The following PARVB variants were observed in gnomAD, a reference collection of about 807,000 sequenced individuals.
PARVB encodes the protein parvin beta.
A neutral mutation model predicts 47.0 loss-of-function variants in PARVB; 46 were observed. The ratio of observed to expected loss-of-function variants is 0.98; its 90% CI spans 0.77 to 1.25. The LOEUF (loss-of-function observed/expected upper bound fraction) is 1.25. Ranked by LOEUF, PARVB falls within the 50% of genes most tolerant of loss-of-function variation. The pLI, the probability that PARVB is intolerant of heterozygous loss-of-function variation, is 0.00. For synonymous variants in PARVB, 196 were observed against 196.3 expected, an observed-to-expected ratio of 1.00 and a Z score of 0.01; for missense variants, 473 against 471.6, an observed-to-expected ratio of 1.00 and a Z score of -0.03.
rs2054251001 is a variant in PARVB, at chr22:44,170,032, T to G, written c.*1354T>G. 1 of 143,254 alleles carries G rather than the reference T, an allele frequency of 7.0e-6. No homozygotes were observed. The highest frequency in any genetic ancestry group is 1.5e-5 in the Non-Finnish European group (1 of 67,200). 8.9% of individuals were successfully genotyped at this position (143,254 alleles called of 1,614,324 possible). ...TTTTTTTTTTTTTTTTGAGACAAGT[T>G]CTCACTGTGTCACCCAGGAGTAAAG... On this transcript the variant is annotated 3_prime_UTR_variant, in exon 13 of 13. Transcript: ENST00000338758.
At chr22:44,092,355 T>A (rs1276493493) in intron 1 of PARVB, among the ~76,000 whole-genome samples, 1 of 152,188 alleles carries the variant, frequency 6.6e-6, no homozygotes, top group African/African-American at 2.4e-5. Flanking sequence ...GTGATCCACC[T>A]GCCTCAGCCT....
rs532826313 is a variant in PARVB, at chr22:44,068,993, C to T, written c.113-24935C>T. Reference sequence around the variant, plus strand: ...CACCCCGGTCCTTCCACAGCCTGACCCTCTGTGACCTTCCTCAAAGGCTCC... The same window carrying T: ...CACCCCGGTCCTTCCACAGCCTGACTCTCTGTGACCTTCCTCAAAGGCTCC... On this transcript the variant is annotated intron_variant, in intron 1 of 12. Coordinates refer to ENST00000338758, the MANE Select transcript of PARVB (RefSeq NM_013327.5). This position sits in a 1 kb window ranked among gnomAD's most constrained non-coding sequence, Gnocchi z 4.1. The T allele has an allele frequency of 1.3e-6, 1 of 765,144 alleles. No individual in the cohort carries two copies. Among genetic ancestry groups the T allele is most frequent in the Non-Finnish European group, 2.1e-6 (1 of 472,528 alleles). The allele number at this position is 765,144 out of a possible 1,614,324, so 47.4% of individuals were successfully genotyped here.
In PARVB at chr22:44,172,845, C is replaced by T. The variant is rs910799295; in HGVS notation, c.*4167C>T. 15 of 703,612 alleles carry T rather than the reference C, an allele frequency of 2.1e-5. No homozygotes were observed. Among genetic ancestry groups the T allele is most frequent in the Admixed American group, 1.0e-4 (3 of 30,094 alleles). The allele number at this position is 703,612 out of a possible 1,614,324, so 43.6% of individuals were successfully genotyped here. On this transcript the variant is annotated 3_prime_UTR_variant, in exon 13 of 13. Transcript: ENST00000338758. ...GCTTTTCAGGAGCTCACTGCAACAC[C>T]GGGCAAACACTTCTTCCGCCAGGGA...
At position 44,025,524 on chromosome 22, in the gene PARVB, A is replaced by G. The variant is rs1022172911; in HGVS notation, c.112+1073A>G. Among the ~76,000 whole-genome samples the G allele has an allele frequency of 1.3e-4, 20 of 152,104 alleles. No homozygotes were observed. The East Asian group carries it at 3.9e-3, about 29-fold the overall frequency. On this transcript the variant is annotated intron_variant, in intron 1 of 12. Coordinates refer to ENST00000338758, the MANE Select transcript of PARVB (RefSeq NM_013327.5). ...CTTGGTTCCCCAGACATTTTCTCCC[A>G]GGGATGCCTGTGCCCCCAGGGATGC...
At chr22:44,003,714 G>A (rs1176113190) in intron 2 of PARVB, among the ~76,000 whole-genome samples, 1 of 152,184 alleles carries the variant, frequency 6.6e-6, no homozygotes, top group Non-Finnish European at 1.5e-5. Flanking sequence ...AGGAGTTGGA[G>A]CTGGCTTTGG....
chr22:44,024,275 C>T (rs2050690602), upstream of PARVB: 2 of 910,964 alleles, frequency 2.2e-6, no homozygotes, highest in Admixed American at 1.3e-4. Context: ...CGCCCTCGGC[C>T]TCTCCCCGGG....
At chr22:44,018,776 C>T (rs979308616) in intron 2 of PARVB, among the ~76,000 whole-genome samples, 2 of 152,176 alleles carry the variant, frequency 1.3e-5, no homozygotes, top group African/African-American at 4.8e-5. Context: ...CAGTCCTTTC[C>T]ATCGCCCCCG....
chr22:44,099,403 G>A (rs972191128), intron 2 of PARVB, among the ~76,000 whole-genome samples: 8 of 152,168 alleles, frequency 5.3e-5, no homozygotes, highest in East Asian at 3.9e-4. Context: ...CCTCCATGAC[G>A]GGCTCAGCTG....
At chr22:44,043,418 G>A (rs888644547) in intron 1 of PARVB, among the ~76,000 whole-genome samples, 2 of 151,936 alleles carry the variant, frequency 1.3e-5, no homozygotes, top group Admixed American at 6.6e-5. Context: ...TTGCTCTGTC[G>A]CCCATGCTGG....
intron 1 of PARVB, chr22:44,039,772 C>A: frequency 2.3e-6 from 1 of 434,120 alleles, no homozygotes; most frequent in Non-Finnish European, 4.6e-6. Context: ...CTATGCTGAG[C>A]AAACCAAGAC....
chr22:44,151,479 G>T lies in PARVB; in HGVS notation c.775-4G>T, dbSNP rs1192990696. 4 of 1,612,720 alleles carry T rather than the reference G, an allele frequency of 2.5e-6. No individual in the cohort carries two copies. Among genetic ancestry groups the T allele is most frequent in the Non-Finnish European group, 3.4e-6 (4 of 1,178,742 alleles). On this transcript the variant is annotated splice_polypyrimidine_tract_variant and splice_region_variant and intron_variant, in intron 9 of 12. Transcript: ENST00000338758. ...GGCTCCTGTGTCTCTTTTATTCTTG[G>T]CAGTCTCTCATCACTTTTGTGAACA...
At chr22:44,128,322 G>A (rs1313627974) in intron 4 of PARVB, among the ~76,000 whole-genome samples, 1 of 152,224 alleles carries the variant, frequency 6.6e-6, no homozygotes, top group Non-Finnish European at 1.5e-5. Context: ...CAACCCCCAT[G>A]TGGCCATCAC....
At chr22:44,081,099 G>A (rs567909126) in intron 1 of PARVB, among the ~76,000 whole-genome samples, 92 of 152,306 alleles carry the variant, frequency 6.0e-4, no homozygotes, top group Admixed American at 2.2e-3. Context: ...CCTGTGGGCC[G>A]TGAAGGCCTT....
chr22:44,118,409 G>A (rs1287485539), intron 3 of PARVB, among the ~76,000 whole-genome samples: 1 of 152,212 alleles, frequency 6.6e-6, no homozygotes, highest in Admixed American at 6.5e-5. Context: ...TGAATTGTGT[G>A]GAGTGAGAAT....
chr22:44,013,362 G>T (rs2050543310), intron 2 of PARVB, among the ~76,000 whole-genome samples: 1 of 152,198 alleles, frequency 6.6e-6, no homozygotes, highest in Non-Finnish European at 1.5e-5. Flanking sequence ...AGAGGGAAAT[G>T]CACACGTTTC....
intron 1 of PARVB, among the ~76,000 whole-genome samples, chr22:44,053,760 G>A (rs2096382816): frequency 6.6e-6 from 1 of 152,222 alleles, no homozygotes; most frequent in African/African-American, 2.4e-5. Context: ...ATTTGCTAGG[G>A]TGACTCACAG....
rs569769540 is a variant in PARVB at position 44,055,554 on chromosome 22, C to T, written c.112+31103C>T. On this transcript the variant is annotated intron_variant, in intron 1 of 12. Transcript: ENST00000338758. ...TTCACCATGTTGGCCAGGATGATCTCGATCTCCTGACCTCGTGATCCGCCC... is the reference window on the plus strand; with the variant it reads ...TTCACCATGTTGGCCAGGATGATCTTGATCTCCTGACCTCGTGATCCGCCC... Among the ~76,000 whole-genome samples the T allele has an allele frequency of 2.6e-5, 4 of 152,098 alleles. No individual in the cohort carries two copies. In the East Asian group the frequency reaches 5.8e-4, roughly 22 times the overall value.
chr22:44,151,967 G>A lies in PARVB; in HGVS notation c.843+416G>A, dbSNP rs118092933. On this transcript the variant is annotated intron_variant, in intron 10 of 12. Transcript: ENST00000338758. ...CCTTCTTTGCCTTCATCTTCATGTG[G>A]TGTCGTCCTTGTGTGTGTGTCTCTG... The A allele has an allele frequency of 2.1e-3, 407 of 190,006 alleles. 2 individuals carry two copies. The highest frequency in any genetic ancestry group is 0.015 in the East Asian group (117 of 8,030). 11.8% of individuals were successfully genotyped at this position (190,006 alleles called of 1,614,324 possible). A position where few individuals can be genotyped will look rare whatever the true frequency, so the allele number is the denominator to read the frequency against.
chr22:44,162,314 T>C (rs1054141080), intron 11 of PARVB, among the ~76,000 whole-genome samples: 13 of 151,564 alleles, frequency 8.6e-5, no homozygotes, highest in African/African-American at 3.1e-4. Context: ...AAAGGATTTT[T>C]TGTTTGTTTG....
Sources: allele counts gnomAD v4.1 joint callset (sites outside exome capture counted in the v4.1 genomes callset), GRCh38; gene constraint gnomAD v4.1.1; non-coding constraint Gnocchi (gnomAD v3.1); transcripts MANE v1.5; gene names NCBI Gene and HGNC (gene_info 2026-07-23, HGNC 2026-07-21).